The following ETV1 variants were observed in gnomAD, a reference collection of about 807,000 sequenced individuals.
ETV1 encodes ETS translocation variant 1.
ETV1 carries 27 observed loss-of-function variants against 62.3 expected under a neutral mutation model. The observed-to-expected ratio is 0.43, with a 90% CI of 0.32 to 0.60. The LOEUF (loss-of-function observed/expected upper bound fraction) is 0.60. Among genes scored for constraint, ETV1 ranks in the 20% least tolerant of loss-of-function variants. The probability of loss-of-function intolerance (pLI) is 0.06; values close to 1 mark genes in which losing one functional copy is unlikely to be tolerated. For missense variants in ETV1, 605 were observed against 605.8 expected (o/e 1.00, Z 0.01); for synonymous variants, 222 against 199.6 (o/e 1.11, Z -0.94).
rs767099903 is a variant in ETV1, at chr7:13,895,267, C to G, written c.*599G>C. On this transcript the variant is annotated 3_prime_UTR_variant, in exon 14 of 14. Transcript: ENST00000430479. ...TTACCCATTTTATGGTTATCCTCTGCAAGTCATATATAAAGCAAAATAAAA... is the reference window on the plus strand; with the variant it reads ...TTACCCATTTTATGGTTATCCTCTGGAAGTCATATATAAAGCAAAATAAAA... The G allele has an allele frequency of 1.3e-5, 3 of 233,580 alleles. No homozygotes were observed. Among genetic ancestry groups the G allele is most frequent in the African/African-American group, 2.2e-5 (1 of 45,328 alleles). The allele number at this position is 233,580 out of a possible 1,614,324, so 14.5% of individuals were successfully genotyped here.
At chr7:13,984,388 G>C (rs890293864) in intron 5 of ETV1, among the ~76,000 whole-genome samples, 1 of 151,952 alleles carries the variant, frequency 6.6e-6, no homozygotes, top group East Asian at 1.9e-4. Flanking sequence ...GGTAATTTGG[G>C]GATCTCTTCT....
rs933479982 is a variant in ETV1 at position 13,893,372 on chromosome 7, C to T, written c.*2494G>A. The T allele has an allele frequency of 8.4e-4, 195 of 230,894 alleles. 3 individuals are homozygous for T. The highest frequency in any genetic ancestry group is 2.1e-4 in the Non-Finnish European group (25 of 116,810). The allele number at this position is 230,894 out of a possible 1,614,324, so 14.3% of individuals were successfully genotyped here. ...AACAGAACTTAAAAAATTTTAGATA[C>T]ATTTTTCAAAAGAGTTTATAATGTA... is the stretch of plus-strand genomic sequence containing the variant. On this transcript the variant is annotated 3_prime_UTR_variant, in exon 14 of 14. Transcript: ENST00000430479.
chr7:13,896,713 G>GAGAGAGAAAGAAAGAA (rs2128400337), intron 13 of ETV1, among the ~76,000 whole-genome samples: 1 of 106,704 alleles, frequency 9.4e-6, no homozygotes, highest in African/African-American at 3.4e-5. Context: ...AGAAAGAAAG[G>GAGAGAGAAAGAAAGAA]AGAGAGAAAG....
chr7:13,966,265 A>C (rs1372597495), intron 6 of ETV1, among the ~76,000 whole-genome samples: 1 of 152,204 alleles, frequency 6.6e-6, no homozygotes, highest in Non-Finnish European at 1.5e-5. Flanking sequence ...GTGTTAAGAC[A>C]GACACTGATA....
chr7:13,933,813 G>A (rs559829692), intron 8 of ETV1, among the ~76,000 whole-genome samples: 1 of 152,304 alleles, frequency 6.6e-6, no homozygotes, highest in African/African-American at 2.4e-5. Flanking sequence ...CTTCCCTCTT[G>A]GAGTTCCGGG....
chr7:13,914,245 G>T (rs1440725622), intron 9 of ETV1, among the ~76,000 whole-genome samples: 1 of 151,848 alleles, frequency 6.6e-6, no homozygotes, highest in African/African-American at 2.4e-5. Flanking sequence ...CTCCTAAAGC[G>T]CTCTGGTTTT....
intron 8 of ETV1, 145 bp downstream of exon 8, chr7:13,935,563 T>A: frequency 3.2e-6 from 2 of 616,900 alleles, no homozygotes; most frequent in Non-Finnish European, 5.8e-6. Context: ...ATAGATAGAG[T>A]GAGCTCTTTC....
chr7:13,948,237 CG>C, intron 6 of ETV1, among the ~76,000 whole-genome samples: 1 of 152,114 alleles, frequency 6.6e-6, no homozygotes, highest in East Asian at 1.9e-4. Flanking sequence ...ATGTGGACAG[CG>C]AAAGTAAATA....
intron 13 of ETV1, among the ~76,000 whole-genome samples, chr7:13,896,596 T>C (rs1427138891): frequency 6.6e-6 from 1 of 151,996 alleles, no homozygotes; most frequent in Non-Finnish European, 1.5e-5. Context: ...AGTAATTCAC[T>C]GATTCACAGA....
chr7:13,919,206 A>C (rs143675386), intron 9 of ETV1, among the ~76,000 whole-genome samples: 4 of 152,278 alleles, frequency 2.6e-5, no homozygotes, highest in African/African-American at 9.6e-5. Context: ...CCCTTTTATA[A>C]ATGAAGAAAC....
At chr7:13,978,410 C>G (rs896641920) in intron 5 of ETV1, among the ~76,000 whole-genome samples, 2 of 151,954 alleles carry the variant, frequency 1.3e-5, no homozygotes, top group Non-Finnish European at 2.9e-5. Context: ...CACACACACA[C>G]ACACACACGC....
intron 11 of ETV1, among the ~76,000 whole-genome samples, chr7:13,909,372 C>T (rs1023628338): frequency 4.6e-5 from 7 of 152,238 alleles, no homozygotes; most frequent in Admixed American, 1.3e-4. Context: ...CCCCCTCTTA[C>T]GCTACACAAA....
At chr7:13,917,835 G>A (rs1784357571) in intron 9 of ETV1, among the ~76,000 whole-genome samples, 1 of 151,826 alleles carries the variant, frequency 6.6e-6, no homozygotes, top group Non-Finnish European at 1.5e-5. Context: ...GTGGTGGCGG[G>A]CACCAGTAGT....
At chr7:13,962,185 AC>A (rs1790248473) in intron 6 of ETV1, among the ~76,000 whole-genome samples, 2 of 147,254 alleles carry the variant, frequency 1.4e-5, no homozygotes. Context: ...TTATGTACAC[AC>A]ACACACACAC....
intron 8 of ETV1, among the ~76,000 whole-genome samples, chr7:13,933,416 G>T (rs962826337): frequency 1.3e-5 from 2 of 152,172 alleles, no homozygotes; most frequent in African/African-American, 4.8e-5. Context: ...ACATGCTGAT[G>T]AACTCCCAGA....
chr7:13,983,655 A>G (rs940635671), intron 5 of ETV1, among the ~76,000 whole-genome samples: 1 of 151,482 alleles, frequency 6.6e-6, no homozygotes, highest in Non-Finnish European at 1.5e-5. Context: ...GTTACTGAAA[A>G]CATTAACTTT....
chr7:13,969,034 C>G (rs11981691), intron 6 of ETV1, among the ~76,000 whole-genome samples: 1,603 of 152,242 alleles, frequency 0.011, 37 homozygotes, highest in African/African-American at 0.037. Flanking sequence ...GGAAAGGGGG[C>G]TGCTGGGCTT....
intron 6 of ETV1, among the ~76,000 whole-genome samples, chr7:13,945,498 C>CAA (rs575991910): frequency 6.7e-6 from 1 of 150,364 alleles, no homozygotes; most frequent in African/African-American, 2.5e-5. Context: ...TCTGAGTTGG[C>CAA]AAAAAAAATT....
At chr7:13,936,560 C>A (rs1333286146) in intron 7 of ETV1, among the ~76,000 whole-genome samples, 1 of 152,170 alleles carries the variant, frequency 6.6e-6, no homozygotes, top group East Asian at 1.9e-4. Context: ...TATAGTCTAA[C>A]TTCTAAACAC....
Sources: gnomAD v4.1 joint callset for allele counts (sites outside exome capture counted in the v4.1 genomes callset) on GRCh38, gnomAD v4.1.1 for gene constraint, MANE v1.5 for transcripts, NCBI Gene and HGNC (gene_info 2026-07-23, HGNC 2026-07-21) for gene names.